PPA2: variants seen among roughly 807,000 people sequenced by gnomAD.
PPA2 encodes inorganic pyrophosphatase 2, mitochondrial.
In PPA2, 48 loss-of-function variants were observed where a neutral mutation model predicts 49.5. The ratio of observed to expected loss-of-function variants is 0.97; its 90% CI spans 0.77 to 1.23. The LOEUF is 1.23. PPA2 is among the 50% of genes most tolerant of loss of function. The probability of loss-of-function intolerance (pLI) is 0.00; values close to 1 mark genes in which losing one functional copy is unlikely to be tolerated. For missense variants in PPA2, 429 were observed against 410.1 expected (o/e 1.05, Z -0.40); for synonymous variants, 131 against 139.9 (o/e 0.94, Z 0.45).
intron 6 of PPA2, among the ~76,000 whole-genome samples, chr4:105,432,320 A>C (rs1271975810): frequency 6.6e-6 from 1 of 152,230 alleles, no homozygotes; most frequent in Non-Finnish European, 1.5e-5. Context: ...AATTGATCAG[A>C]TAATTTCTTA....
chr4:105,440,348 G>A (rs1008483277), intron 5 of PPA2, among the ~76,000 whole-genome samples: 5 of 150,960 alleles, frequency 3.3e-5, no homozygotes, highest in African/African-American at 1.2e-4. Flanking sequence ...TGCAAGCTCC[G>A]CCTCCTGGGT....
intron 10 of PPA2, among the ~76,000 whole-genome samples, chr4:105,379,440 G>A: frequency 1.0e-5 from 1 of 99,606 alleles, no homozygotes; most frequent in Non-Finnish European, 2.4e-5. Context: ...TAGATAGATA[G>A]ATAGATAGAT....
At chr4:105,413,087 T>C (rs918018390) in intron 7 of PPA2, among the ~76,000 whole-genome samples, 3 of 152,166 alleles carry the variant, frequency 2.0e-5, no homozygotes, top group Non-Finnish European at 4.4e-5. Flanking sequence ...AACCCAAATG[T>C]CCATCAATGA....
chr4:105,419,828 G>A lies in PPA2; in HGVS notation c.655+4368C>T, dbSNP rs150692427. 1.8e-3 allele frequency among the ~76,000 whole-genome samples: 276 copies of A among 152,146 alleles called. 1 individual carries two copies. The highest frequency in any genetic ancestry group is 6.4e-3 in the African/African-American group (267 of 41,522). ...GTCTTTGAAGAATCACAACTTAAAC[G>A]TGTCTATATGAATAGAGTAAAAAGA... On this transcript the variant is annotated intron_variant, in intron 7 of 11. Coordinates refer to ENST00000341695, the MANE Select transcript of PPA2 (RefSeq NM_176869.3).
At chr4:105,430,635 T>C (rs1207263202) in intron 6 of PPA2, among the ~76,000 whole-genome samples, 6 of 152,154 alleles carry the variant, frequency 3.9e-5, no homozygotes, top group Non-Finnish European at 7.3e-5. Flanking sequence ...AGTGTCAAGG[T>C]AGGTTCTCTA....
intron 6 of PPA2, among the ~76,000 whole-genome samples, chr4:105,433,015 A>G (rs1383909721): frequency 2.0e-5 from 3 of 152,232 alleles, no homozygotes; most frequent in African/African-American, 7.2e-5. Flanking sequence ...AAATGAGATA[A>G]TTCTTATAGA....
chr4:105,380,374 CT>C (rs1192070976), intron 10 of PPA2, among the ~76,000 whole-genome samples: 113 of 152,240 alleles, frequency 7.4e-4, no homozygotes, highest in African/African-American at 2.6e-3. Flanking sequence ...GAAAATGTGT[CT>C]TCTTTTCTTT....
chr4:105,430,306 TAACAC>T (rs1360250634), intron 6 of PPA2, among the ~76,000 whole-genome samples: 1 of 152,228 alleles, frequency 6.6e-6, no homozygotes, highest in African/African-American at 2.4e-5. Flanking sequence ...TGTAATTAGT[TAACAC>T]AACTGACTAA....
intron 6 of PPA2, among the ~76,000 whole-genome samples, chr4:105,430,786 T>G (rs1037182094): frequency 6.6e-6 from 1 of 152,094 alleles, no homozygotes; most frequent in East Asian, 1.9e-4. Context: ...GAAAAACAAA[T>G]AGTGTACAAG....
chr4:105,426,600 A>G (rs1723523845), intron 6 of PPA2, among the ~76,000 whole-genome samples: 1 of 152,222 alleles, frequency 6.6e-6, no homozygotes, highest in Admixed American at 6.5e-5. Flanking sequence ...GCAGTCTGAG[A>G]TCAACCTGGG....
chr4:105,463,973 C>G (rs144824933), intron 1 of PPA2, among the ~76,000 whole-genome samples: 1,677 of 152,288 alleles, frequency 0.011, 42 homozygotes, highest in African/African-American at 0.037. Flanking sequence ...GGCCCCCATA[C>G]AGAGTCCCTA....
At chr4:105,391,374 G>C (rs1733916832) in intron 9 of PPA2, among the ~76,000 whole-genome samples, 2 of 143,226 alleles carry the variant, frequency 1.4e-5, no homozygotes, top group African/African-American at 5.1e-5. Context: ...GGAAGTACCA[G>C]GTTAATATAC....
intron 1 of PPA2, among the ~76,000 whole-genome samples, chr4:105,462,455 T>C (rs1723132715): frequency 6.6e-6 from 1 of 152,222 alleles, no homozygotes; most frequent in South Asian, 2.1e-4. Context: ...CCAGTCTAGT[T>C]CCACTCCTGA....
At chr4:105,444,376 G>A (rs947200122) in intron 5 of PPA2, among the ~76,000 whole-genome samples, 4 of 152,196 alleles carry the variant, frequency 2.6e-5, no homozygotes, top group Admixed American at 2.0e-4. Context: ...CCATTAAGGT[G>A]TTCTTGTACA....
chr4:105,459,998 T>G (rs72952292), intron 1 of PPA2, among the ~76,000 whole-genome samples: 14,406 of 152,248 alleles, frequency 0.095, 1,412 homozygotes, highest in African/African-American at 0.25. Flanking sequence ...ACAAATCTAC[T>G]TTCTGTCAAA....
intron 7 of PPA2, among the ~76,000 whole-genome samples, chr4:105,417,326 C>T (rs189464953): frequency 2.4e-4 from 36 of 151,914 alleles, no homozygotes; most frequent in Non-Finnish European, 4.7e-4. Flanking sequence ...CAGAAGACAA[C>T]AAGCTAAAAA....
At chr4:105,378,184 T>G (rs1733334828) in intron 10 of PPA2, among the ~76,000 whole-genome samples, 1 of 152,174 alleles carries the variant, frequency 6.6e-6, no homozygotes, top group African/African-American at 2.4e-5. Flanking sequence ...GAATTGTAGT[T>G]CCTCCACGTC....
At chr4:105,404,927 CA>C (rs1281875311) in intron 7 of PPA2, among the ~76,000 whole-genome samples, 1 of 151,940 alleles carries the variant, frequency 6.6e-6, no homozygotes, top group Non-Finnish European at 1.5e-5. Flanking sequence ...TAAAAAAATA[CA>C]AAAAATTAGC....
chr4:105,440,030 C>T (rs945511263), intron 5 of PPA2, among the ~76,000 whole-genome samples: 13 of 152,130 alleles, frequency 8.5e-5, no homozygotes, highest in African/African-American at 2.9e-4. Flanking sequence ...CAGAATCAAA[C>T]AACCTACTGC....
Sources: allele counts gnomAD v4.1 joint callset (sites outside exome capture counted in the v4.1 genomes callset), GRCh38; gene constraint gnomAD v4.1.1; transcripts MANE v1.5; gene names NCBI Gene and HGNC (gene_info 2026-07-23, HGNC 2026-07-21).